Variants in DYNC2H1 observed in about 807,000 individuals in gnomAD.
DYNC2H1 encodes dynein cytoplasmic 2 heavy chain 1, also known as cytoplasmic dynein 2 heavy chain 1.
A neutral mutation model predicts 570.0 loss-of-function variants in DYNC2H1; 410 were observed. The ratio of observed to expected loss-of-function variants is 0.72; its 90% confidence interval spans 0.66 to 0.78. The LOEUF is 0.78. Among genes scored for constraint, DYNC2H1 ranks in the 30% least tolerant of loss-of-function variants. DYNC2H1 has a pLI of 0.00. For synonymous variants in DYNC2H1, 1,688 were observed against 1,677.6 expected (o/e 1.01, Z -0.15); for missense variants, 4,865 against 5,046.4 (o/e 0.96, Z 1.09).
chr11:103,178,783 A>G (rs183974050), intron 38 of DYNC2H1, among the ~76,000 whole-genome samples: 3 of 152,210 alleles, frequency 2.0e-5, no homozygotes, highest in Admixed American at 2.0e-4. Context: ...TTGTGGGAAT[A>G]AAAATACCTA....
chr11:103,392,577 C>T (rs1459721194), intron 83 of DYNC2H1, among the ~76,000 whole-genome samples: 2 of 152,218 alleles, frequency 1.3e-5, no homozygotes, highest in Non-Finnish European at 2.9e-5. Flanking sequence ...CTGCGTCGCT[C>T]ACGCTGGGAG....
At chr11:103,402,139 C>T (rs988329486) in intron 84 of DYNC2H1, 1 of 152,052 alleles carries the variant, frequency 6.6e-6, no homozygotes, top group Non-Finnish European at 1.5e-5. Context: ...TTCTATTAGT[C>T]TGTGGTGAGC....
rs1940819297 is a variant in DYNC2H1, at chr11:103,364,715, C to G, written c.12156+6356C>G. On this transcript the variant is annotated intron_variant, in intron 83 of 88. Coordinates refer to ENST00000375735, the MANE Select transcript of DYNC2H1 (RefSeq NM_001377.3). ...TTTGGTTTATAAAATATCTGCAGTG[C>G]TATTCTGGTCTGCCTCACTTGTGTC... Among the ~76,000 whole-genome samples, 5 of 151,912 alleles carry G rather than the reference C, an allele frequency of 3.3e-5. 1 individual carries two copies. The South Asian group carries it at 8.3e-4, about 25-fold the overall frequency.
intron 82 of DYNC2H1, among the ~76,000 whole-genome samples, chr11:103,336,169 T>C (rs1202278405): frequency 6.6e-6 from 1 of 152,218 alleles, no homozygotes; most frequent in Non-Finnish European, 1.5e-5. Context: ...TATGGCTACA[T>C]AGTAGTTGTA....
intron 47 of DYNC2H1, among the ~76,000 whole-genome samples, chr11:103,195,318 G>A (rs999021951): frequency 4.6e-5 from 7 of 152,254 alleles, no homozygotes; most frequent in Admixed American, 6.5e-5. Flanking sequence ...TGAGTCAGTG[G>A]TCCATTGTGA....
chr11:103,464,314 A>G (rs1480928827), intron 87 of DYNC2H1, among the ~76,000 whole-genome samples: 1 of 151,590 alleles, frequency 6.6e-6, no homozygotes, highest in Non-Finnish European at 1.5e-5. Context: ...CAAACTATAC[A>G]TTAGATATGA....
intron 70 of DYNC2H1, among the ~76,000 whole-genome samples, chr11:103,267,571 T>A (rs1865559745): frequency 6.6e-6 from 1 of 152,064 alleles, no homozygotes; most frequent in Admixed American, 6.6e-5. Context: ...GTTATAGATA[T>A]CCTGTTTTGT....
At chr11:103,216,991 C>T (rs898233894) in intron 55 of DYNC2H1, among the ~76,000 whole-genome samples, 1 of 152,028 alleles carries the variant, frequency 6.6e-6, no homozygotes, top group Admixed American at 6.6e-5. Context: ...GTTACCTTAT[C>T]CCTTAATGTA....
chr11:103,154,677 G>GT lies in DYNC2H1; in HGVS notation c.3459-13dup. On this transcript the variant is annotated splice_polypyrimidine_tract_variant and intron_variant, in intron 23 of 88. Transcript: ENST00000375735. ...TTTTTGGATGTAATCTTTGCAATGT[G>GT]TTTTTGGTATTTTATAGGACTAAGA... The GT allele has an allele frequency of 6.4e-7, 1 of 1,565,552 alleles. No individual in the cohort carries two copies. The highest frequency in any genetic ancestry group is 8.6e-7 in the Non-Finnish European group (1 of 1,156,174).
chr11:103,260,854 T>A (rs1865251221), intron 70 of DYNC2H1, among the ~76,000 whole-genome samples: 1 of 151,834 alleles, frequency 6.6e-6, no homozygotes. Context: ...CCTGGCCTCA[T>A]GTGATCTGCC....
intron 55 of DYNC2H1, 26 bp from the exon 56 acceptor site, chr11:103,219,889 G>A: frequency 7.7e-7 from 1 of 1,293,762 alleles, no homozygotes; most frequent in Non-Finnish European, 1.1e-6. Flanking sequence ...AAAATTGATT[G>A]GAATGCCACT....
chr11:103,261,312 A>C lies in DYNC2H1; in HGVS notation c.10695+1335A>C, dbSNP rs1021015331. ...ATTCCCACCTGCTGGCTCTGAAGAG[A>C]GCATCGGATCTCCAACACAGAGCTT... On this transcript the variant is annotated intron_variant, in intron 70 of 88. Transcript: ENST00000375735. This position sits in a 1 kb window ranked among gnomAD's most constrained non-coding sequence, Gnocchi z 4.8. 5.9e-5 allele frequency among the ~76,000 whole-genome samples: 9 copies of C among 152,186 alleles called. No individual in the cohort carries two copies. The highest frequency in any genetic ancestry group is 1.7e-4 in the African/African-American group (7 of 41,450).
chr11:103,113,618 G>A lies in DYNC2H1; in HGVS notation c.277G>A (p.Asp93Asn), dbSNP rs1858223709. ...PEVITDENLHDNILVSSMLES... is the reference protein window; with the variant it reads ...PEVITDENLHNNILVSSMLES... ...AGTAATTACTGATGAGAATCTACATGATAACATTCTTGTTTCATCTATGTT... is the reference window on the plus strand; with the variant it reads ...AGTAATTACTGATGAGAATCTACATAATAACATTCTTGTTTCATCTATGTT... The change falls in exon 2 of 89, where the codon GAT becomes AAT. Residue 93 changes from aspartate (D) to asparagine (N), a missense_variant. Physicochemically the swap from Asp to Asn is conservative, Grantham distance 23. Around this residue, in one of 5 missense-constraint regions of DYNC2H1, gnomAD observed 1,936 missense variants for 1,962.1 expected, o/e 0.99. Coordinates refer to ENST00000375735, the MANE Select transcript of DYNC2H1 (RefSeq NM_001377.3). 7 of 1,574,100 alleles carry A rather than the reference G, an allele frequency of 4.4e-6. No individual in the cohort carries two copies. Among genetic ancestry groups the A allele is most frequent in the Non-Finnish European group, 6.0e-6 (7 of 1,165,752 alleles).
At chr11:103,401,566 G>A (rs1206338209) in intron 84 of DYNC2H1, among the ~76,000 whole-genome samples, 1 of 152,112 alleles carries the variant, frequency 6.6e-6, no homozygotes, top group Non-Finnish European at 1.5e-5. Flanking sequence ...GAATGTGACC[G>A]CTGGAATATG....
intron 59 of DYNC2H1, among the ~76,000 whole-genome samples, chr11:103,230,473 G>A (rs1863962983): frequency 6.6e-6 from 1 of 152,166 alleles, no homozygotes; most frequent in Non-Finnish European, 1.5e-5. Flanking sequence ...AGAGGTTGAT[G>A]GAGATGAGTA....
intron 35 of DYNC2H1, among the ~76,000 whole-genome samples, chr11:103,173,780 G>A (rs1411339900): frequency 2.0e-5 from 3 of 152,072 alleles, no homozygotes; most frequent in Admixed American, 6.6e-5. Flanking sequence ...TTGATTAAAG[G>A]CTTTAGGCAT....
intron 87 of DYNC2H1, among the ~76,000 whole-genome samples, chr11:103,462,479 T>C (rs533787293): frequency 5.3e-5 from 8 of 152,316 alleles, no homozygotes; most frequent in Non-Finnish European, 1.0e-4. Flanking sequence ...TTCTCATCAG[T>C]ATTTCATCTA....
At chr11:103,343,631 G>C (rs926167633) in intron 82 of DYNC2H1, among the ~76,000 whole-genome samples, 2 of 152,116 alleles carry the variant, frequency 1.3e-5, no homozygotes, top group African/African-American at 4.8e-5. Flanking sequence ...CGAGAAGTGA[G>C]GACAAAAGGC....
intron 11 of DYNC2H1, among the ~76,000 whole-genome samples, chr11:103,124,751 A>T (rs1210380691): frequency 2.6e-5 from 4 of 152,204 alleles, no homozygotes; most frequent in Non-Finnish European, 2.9e-5. Context: ...TGATTTTTTT[A>T]AAAATCAAAG....
Sources: gnomAD v4.1 joint callset for allele counts (sites outside exome capture counted in the v4.1 genomes callset) on GRCh38, gnomAD v4.1.1 for gene constraint, gnomAD v4.1.1 regional missense constraint, Gnocchi (gnomAD v3.1) non-coding constraint, MANE v1.5 for transcripts, NCBI Gene and HGNC (gene_info 2026-07-23, HGNC 2026-07-21) for gene names.